TEK: variants seen among roughly 807,000 people sequenced by gnomAD.
The protein encoded by TEK is TEK receptor tyrosine kinase.
TEK carries 43 observed loss-of-function variants against 131.8 expected under a neutral mutation model. The ratio of observed to expected loss-of-function variants is 0.33; its 90% CI spans 0.26 to 0.42. The LOEUF is 0.42. Among genes scored for constraint, TEK ranks in the 10% least tolerant of loss-of-function variants. The probability of loss-of-function intolerance (pLI) is 1.00; values close to 1 mark genes in which losing one functional copy is unlikely to be tolerated. For missense variants in TEK, 1,162 were observed against 1,384.4 expected (o/e 0.84, Z 2.55); for synonymous variants, 580 against 491.6 (o/e 1.18, Z -2.38).
chr9:27,209,187 A>G lies in TEK; in HGVS notation c.2642A>G (p.His881Arg). ...CTGGAAGTTCTTTGTAAACTTGGACACCATCCAAACATCATCAATCTCTTA... is the reference window on the plus strand; with the variant it reads ...CTGGAAGTTCTTTGTAAACTTGGACGCCATCCAAACATCATCAATCTCTTA... ...GELEVLCKLGHHPNIINLLGA... is the reference protein window; with the variant it reads ...GELEVLCKLGRHPNIINLLGA... Residue 881 changes from histidine to arginine, a missense_variant, in exon 16 of 23, where the codon CAC (histidine) becomes CGC (arginine). Physicochemically the swap from His to Arg is conservative, Grantham distance 29. This residue lies in a region of TEK where 57 missense variants were observed against 100.8 expected (regional missense o/e 0.57). Coordinates refer to ENST00000380036, the MANE Select transcript of TEK (RefSeq NM_000459.5). The G allele has an allele frequency of 3.7e-6, 6 of 1,614,122 alleles. No individual in the cohort carries two copies. The highest frequency in any genetic ancestry group is 4.2e-6 in the Non-Finnish European group (5 of 1,179,946).
At chr9:27,221,368 C>T (rs1826072021) in intron 21 of TEK, among the ~76,000 whole-genome samples, 1 of 152,232 alleles carries the variant, frequency 6.6e-6, no homozygotes, top group Non-Finnish European at 1.5e-5. Context: ...AACGTTCCTG[C>T]CTGCCAGCTC....
intron 21 of TEK, among the ~76,000 whole-genome samples, chr9:27,223,394 GA>G (rs1159615780): frequency 6.6e-6 from 1 of 151,976 alleles, no homozygotes; most frequent in Non-Finnish European, 1.5e-5. Flanking sequence ...AAGCAAATGC[GA>G]AAAAACGGAA....
At chr9:27,212,362 C>T (rs10757641) in intron 16 of TEK, among the ~76,000 whole-genome samples, 124,700 of 152,160 alleles carry the variant, frequency 0.82, 51,391 homozygotes, top group African/African-American at 0.9. Context: ...GAAAAGGTGA[C>T]GTGAAGAACG....
rs556956089 is a variant in TEK at position 27,161,567 on chromosome 9, T to G, written c.364+3425T>G. 3.3e-5 allele frequency among the ~76,000 whole-genome samples: 5 copies of G among 152,356 alleles called. 1 individual carries two copies. The highest frequency in any genetic ancestry group is 1.2e-4 in the African/African-American group (5 of 41,586). ...GTGATCTGACTTCAGAGCCAGTATTTATTACCACTACGCTACCCTTTGGAT... is the reference window on the plus strand; with the variant it reads ...GTGATCTGACTTCAGAGCCAGTATTGATTACCACTACGCTACCCTTTGGAT... On this transcript the variant is annotated intron_variant, in intron 2 of 22. Transcript: ENST00000380036.
chr9:27,117,253 T>G (rs1331327288), intron 1 of TEK, among the ~76,000 whole-genome samples: 2 of 152,106 alleles, frequency 1.3e-5, no homozygotes, highest in African/African-American at 4.8e-5. Context: ...GCAGGTGTGT[T>G]ATTTTACAGA....
In TEK at chr9:27,180,483, C is replaced by A. The variant is rs566949886; in HGVS notation, c.1030+115C>A. On this transcript the variant is annotated intron_variant, in intron 7 of 22. Coordinates refer to ENST00000380036, the MANE Select transcript of TEK (RefSeq NM_000459.5). ...TCCTCAAGCCTCTTTTGTTTCCATC[C>A]AGAAGTTGGGAATAGTTTATCCTAA... is the stretch of plus-strand genomic sequence containing the variant. 12 of 1,454,580 alleles carry A rather than the reference C, an allele frequency of 8.2e-6. No individual in the cohort carries two copies. The Admixed American group carries it at 2.2e-4, about 26-fold the overall frequency. The allele number at this position is 1,454,580 out of a possible 1,614,324, so 90.1% of individuals were successfully genotyped here.
At position 27,109,516 on chromosome 9, in the gene TEK, A is replaced by G; in HGVS notation, c.-75A>G. On this transcript the variant is annotated 5_prime_UTR_variant, in exon 1 of 23. Transcript: ENST00000380036. ...GGACGATGCTAATGGAAAGTCACAA[A>G]CCGCTGGGTTTTTGAAAGGATCCTT... 6.5e-7 allele frequency: 1 copy of G among 1,528,378 alleles called. No individual in the cohort carries two copies. Among genetic ancestry groups the G allele is most frequent in the East Asian group, 2.2e-5 (1 of 44,466 alleles). The allele number at this position is 1,528,378 out of a possible 1,614,324, so 94.7% of individuals were successfully genotyped here.
chr9:27,119,881 G>A (rs1564035872), intron 1 of TEK, among the ~76,000 whole-genome samples: 1 of 100,082 alleles, frequency 1.0e-5, no homozygotes, highest in Admixed American at 1.0e-4. Context: ...TGGTGTCTGT[G>A]TGCACATGCG....
intron 5 of TEK, 47 bp downstream of exon 5, chr9:27,172,794 C>T (rs201226160): frequency 1.6e-4 from 257 of 1,608,964 alleles, no homozygotes; most frequent in Non-Finnish European, 2.0e-4. Flanking sequence ...AAAAAGCCAT[C>T]GTTGCTGGAT....
At chr9:27,168,349 G>A (rs1302368930) in intron 2 of TEK, 146 bp from the exon 3 acceptor site, 14 of 680,940 alleles carry the variant, frequency 2.1e-5, no homozygotes, top group African/African-American at 8.9e-5. Context: ...AGGTTAAAAC[G>A]CATTAGCCAC....
intron 22 of TEK, 36 bp from the exon 23 acceptor site, chr9:27,229,122 G>A (rs774141312): frequency 6.2e-6 from 10 of 1,603,252 alleles, no homozygotes; most frequent in Non-Finnish European, 7.7e-6. Context: ...TGGAATCAAA[G>A]CAGCCTATGT....
chr9:27,193,853 G>A (rs1824914909), intron 11 of TEK, among the ~76,000 whole-genome samples: 1 of 152,098 alleles, frequency 6.6e-6, no homozygotes, highest in Non-Finnish European at 1.5e-5. Flanking sequence ...CACTCAAGCT[G>A]GAGAGTGCAG....
chr9:27,203,975 C>T (rs607650), intron 13 of TEK, among the ~76,000 whole-genome samples: 31,367 of 152,166 alleles, frequency 0.21, 3,730 homozygotes, highest in Non-Finnish European at 0.27. Context: ...TTTTGAAATG[C>T]TCAAGGAATG....
chr9:27,144,239 G>A (rs968767239), intron 1 of TEK, among the ~76,000 whole-genome samples: 1 of 152,024 alleles, frequency 6.6e-6, no homozygotes, highest in Non-Finnish European at 1.5e-5. Flanking sequence ...CCGAGATCAC[G>A]CCACTGCATT....
At chr9:27,221,497 A>G (rs552616947) in intron 21 of TEK, among the ~76,000 whole-genome samples, 5 of 152,006 alleles carry the variant, frequency 3.3e-5, no homozygotes, top group South Asian at 2.1e-4. Flanking sequence ...ATCTCCCAGT[A>G]GGGGTCGACA....
chr9:27,176,265 G>T (rs1401023250), intron 6 of TEK, among the ~76,000 whole-genome samples: 8 of 152,166 alleles, frequency 5.3e-5, no homozygotes, highest in African/African-American at 1.9e-4. Flanking sequence ...AGCAATAATA[G>T]AAATTTTTGA....
intron 1 of TEK, among the ~76,000 whole-genome samples, chr9:27,131,344 G>T (rs1322179702): frequency 6.6e-6 from 1 of 151,724 alleles, no homozygotes. Context: ...AAAATCAGGT[G>T]GGTGTGGTGC....
chr9:27,128,289 A>T (rs191833632), intron 1 of TEK, among the ~76,000 whole-genome samples: 1 of 152,138 alleles, frequency 6.6e-6, no homozygotes, highest in African/African-American at 2.4e-5. Context: ...ATGGTTGTAG[A>T]TGTGTGGTGT....
chr9:27,150,924 A>G (rs1047024613), intron 1 of TEK, among the ~76,000 whole-genome samples: 2 of 152,172 alleles, frequency 1.3e-5, no homozygotes, highest in Admixed American at 1.3e-4. Context: ...CAAGGGTGCC[A>G]TTTGGCTGGA....
Sources: allele counts gnomAD v4.1 joint callset (sites outside exome capture counted in the v4.1 genomes callset), GRCh38; gene constraint gnomAD v4.1.1; regional missense constraint gnomAD v4.1.1; transcripts MANE v1.5; gene names NCBI Gene and HGNC (gene_info 2026-07-23, HGNC 2026-07-21).